SEMA3E: variants seen among roughly 807,000 people sequenced by gnomAD.
The protein encoded by SEMA3E is semaphorin 3E.
In SEMA3E, 49 loss-of-function variants were observed where a neutral mutation model predicts 93.6. The observed-to-expected ratio is 0.52, with a 90% CI of 0.42 to 0.66. The LOEUF (loss-of-function observed/expected upper bound fraction) is 0.66. Among genes scored for constraint, SEMA3E ranks in the 30% least tolerant of loss-of-function variants. SEMA3E has a pLI of 0.00. For missense variants in SEMA3E, 906 were observed against 964.8 expected (o/e 0.94, Z 0.81); for synonymous variants, 363 against 330.7 (o/e 1.10, Z -1.06).
chr7:83,428,188 A>G (rs544350789), intron 4 of SEMA3E, among the ~76,000 whole-genome samples: 22 of 152,340 alleles, frequency 1.4e-4, no homozygotes, highest in Admixed American at 7.2e-4. Context: ...GGTGTGAGTC[A>G]TTGCACAGCA....
chr7:83,474,422 T>A (rs1262295135), intron 2 of SEMA3E, among the ~76,000 whole-genome samples: 1 of 152,212 alleles, frequency 6.6e-6, no homozygotes, highest in East Asian at 1.9e-4. Flanking sequence ...CCCAAGCAGT[T>A]TTTTACTAAC....
intron 4 of SEMA3E, among the ~76,000 whole-genome samples, chr7:83,453,360 T>G (rs1292526321): frequency 6.6e-6 from 1 of 151,814 alleles, no homozygotes; most frequent in Non-Finnish European, 1.5e-5. Context: ...AATAATTATC[T>G]GTTTCGCATT....
At chr7:83,635,469 G>A (rs1469556980) in intron 1 of SEMA3E, among the ~76,000 whole-genome samples, 2 of 151,454 alleles carry the variant, frequency 1.3e-5, no homozygotes, top group Non-Finnish European at 3.0e-5. Context: ...GGTGACAAAT[G>A]TGTGCTTTCT....
chr7:83,555,127 C>T (rs1340144356), intron 1 of SEMA3E, among the ~76,000 whole-genome samples: 1 of 152,026 alleles, frequency 6.6e-6, no homozygotes, highest in Non-Finnish European at 1.5e-5. Flanking sequence ...TTAAGTACTG[C>T]TTTTCTTACT....
chr7:83,601,604 G>A (rs970746889), intron 1 of SEMA3E, among the ~76,000 whole-genome samples: 4 of 152,116 alleles, frequency 2.6e-5, no homozygotes, highest in African/African-American at 9.7e-5. Context: ...TGAAATTTTA[G>A]AATGGGGCTT....
chr7:83,406,098 A>G, intron 7 of SEMA3E, 39 bp from the exon 8 acceptor site: 1 of 1,368,296 alleles, frequency 7.3e-7, no homozygotes, highest in South Asian at 1.2e-5. Context: ...TTACCTAAAG[A>G]ATTTCGACCA....
intron 1 of SEMA3E, among the ~76,000 whole-genome samples, chr7:83,535,403 C>CT (rs5885364): frequency 6.6e-6 from 1 of 151,586 alleles, no homozygotes; most frequent in African/African-American, 2.4e-5. Flanking sequence ...TAAAAAGTTA[C>CT]TTTTTTTTCA....
intron 1 of SEMA3E, among the ~76,000 whole-genome samples, chr7:83,516,737 G>A (rs1299702205): frequency 1.3e-5 from 2 of 152,096 alleles, no homozygotes; most frequent in Non-Finnish European, 2.9e-5. Context: ...ACAAAATAGT[G>A]TGTTGAAGTA....
At chr7:83,565,525 TAAAAA>T (rs994038763) in intron 1 of SEMA3E, among the ~76,000 whole-genome samples, 9 of 152,108 alleles carry the variant, frequency 5.9e-5, no homozygotes, top group African/African-American at 1.9e-4. Context: ...AACCAGAACT[TAAAAA>T]GAAAATAAAA....
chr7:83,376,060 G>A (rs1794818027), intron 16 of SEMA3E, among the ~76,000 whole-genome samples: 1 of 152,034 alleles, frequency 6.6e-6, no homozygotes, highest in Non-Finnish European at 1.5e-5. Flanking sequence ...TTAGAAAGAT[G>A]AGCACATTTT....
chr7:83,405,777 C>T (rs1788317336), intron 8 of SEMA3E, among the ~76,000 whole-genome samples, 168 bp downstream of exon 8: 1 of 151,918 alleles, frequency 6.6e-6, no homozygotes, highest in Non-Finnish European at 1.5e-5. Flanking sequence ...TCTTGCAATC[C>T]CTTTTCCCCC....
intron 1 of SEMA3E, chr7:83,641,347 A>C: frequency 1.0e-6 from 1 of 984,400 alleles, no homozygotes. Context: ...CATCTAAGGG[A>C]AGGCAAAGTG....
At chr7:83,646,485 A>T (rs1794081104) in intron 1 of SEMA3E, among the ~76,000 whole-genome samples, 1 of 152,102 alleles carries the variant, frequency 6.6e-6, no homozygotes, top group African/African-American at 2.4e-5. Flanking sequence ...TTGCACAAGT[A>T]GGAACATTCT....
rs1794626795 is a variant in SEMA3E, at chr7:83,363,980, C to T, written c.*3606G>A. ...CGCAATCTCGGCTCACTGCAAGCTC[C>T]GCTTCCCGGGTTCACGCCATTCTCC... On this transcript the variant is annotated 3_prime_UTR_variant, in exon 17 of 17. Coordinates refer to ENST00000643230, the MANE Select transcript of SEMA3E (RefSeq NM_012431.3). 2 of 146,922 alleles carry T rather than the reference C, an allele frequency of 1.4e-5. No homozygotes were observed. The highest frequency in any genetic ancestry group is 2.5e-5 in the African/African-American group (1 of 39,978). The allele number at this position is 146,922 out of a possible 1,614,324, so 9.1% of individuals were successfully genotyped here. A position where few individuals can be genotyped will look rare whatever the true frequency, so the allele number is the denominator to read the frequency against.
intron 1 of SEMA3E, among the ~76,000 whole-genome samples, chr7:83,595,198 CA>C (rs1055800856): frequency 6.6e-6 from 1 of 151,930 alleles, no homozygotes; most frequent in African/African-American, 2.4e-5. Context: ...GTCATTAAGA[CA>C]AAAAAATTGG....
At chr7:83,458,904 AACAAAT>A (rs1368289172) in intron 4 of SEMA3E, among the ~76,000 whole-genome samples, 1 of 146,876 alleles carries the variant, frequency 6.8e-6, no homozygotes, top group Non-Finnish European at 1.5e-5. Context: ...AGTTATATAT[AACAAAT>A]ATAAATATAT....
intron 4 of SEMA3E, among the ~76,000 whole-genome samples, chr7:83,462,431 A>C (rs1003374566): frequency 1.3e-5 from 2 of 152,046 alleles, no homozygotes; most frequent in Admixed American, 6.5e-5. Context: ...AGGCTGAGAC[A>C]CTTTAACTAA....
intron 5 of SEMA3E, among the ~76,000 whole-genome samples, chr7:83,412,811 G>A (rs1403089420): frequency 2.0e-5 from 3 of 150,112 alleles, no homozygotes; most frequent in Non-Finnish European, 4.4e-5. Flanking sequence ...TTTAAAAACT[G>A]TTTCAGAGAG....
chr7:83,627,129 TGTGGTCAATTTTAGAATAA>T (rs1369682863), intron 1 of SEMA3E, among the ~76,000 whole-genome samples: 3 of 152,216 alleles, frequency 2.0e-5, no homozygotes, highest in African/African-American at 7.2e-5. Context: ...CTTCCAATTA[TGTGGTCAATTTTAGAATAA>T]GTGTGATGTG....
Sources: gnomAD v4.1 joint callset for allele counts (sites outside exome capture counted in the v4.1 genomes callset) on GRCh38, gnomAD v4.1.1 for gene constraint, MANE v1.5 for transcripts, NCBI Gene and HGNC (gene_info 2026-07-23, HGNC 2026-07-21) for gene names.